TG: variants seen among roughly 807,000 people sequenced by gnomAD.
TG encodes the protein thyroglobulin.
In TG, 270 loss-of-function variants were observed where a neutral mutation model predicts 324.7. The observed-to-expected ratio is 0.83, with a 90% CI of 0.75 to 0.92. The LOEUF (loss-of-function observed/expected upper bound fraction) is 0.92. Among genes scored for constraint, TG ranks in the 40% least tolerant of loss-of-function variants. The pLI is 0.00. For missense variants in TG, 3,591 were observed against 3,456.4 expected (o/e 1.04, Z -0.98); for synonymous variants, 1,401 against 1,327.0 (o/e 1.06, Z -1.21).
At chr8:132,967,145 CCAT>C (rs1318363172) in intron 30 of TG, among the ~76,000 whole-genome samples, 53 of 148,412 alleles carry the variant, frequency 3.6e-4, no homozygotes, top group East Asian at 1.8e-3. Context: ...ATCCATCCAT[CCAT>C]CCATCCACCC....
intron 19 of TG, 47 bp from the exon 20 acceptor site, chr8:132,913,000 A>G (rs529380198): frequency 1.3e-6 from 2 of 1,582,276 alleles, no homozygotes; most frequent in Admixed American, 1.7e-5. Context: ...CCCTGGCCCT[A>G]GCAGAGTACA....
chr8:132,947,916 G>C (rs948214187), intron 26 of TG, among the ~76,000 whole-genome samples: 6 of 152,128 alleles, frequency 3.9e-5, no homozygotes, highest in Non-Finnish European at 8.8e-5. Context: ...TATCAAATTC[G>C]ATTACCTTGG....
At position 132,917,027 on chromosome 8, in the gene TG, C is replaced by CTCCT. The variant is rs1266796040; in HGVS notation, c.4379-2346_4379-2345insTTCC. Among the ~76,000 whole-genome samples, 2 of 60,514 alleles carry CTCCT rather than the reference C, an allele frequency of 3.3e-5. 1 individual carries two copies. 39.7% of individuals were successfully genotyped at this position (60,514 alleles called of 152,430 possible). A position where few individuals can be genotyped will look rare whatever the true frequency, so the allele number is the denominator to read the frequency against. On this transcript the variant is annotated intron_variant, in intron 20 of 47. Transcript: ENST00000220616. ...CCTCCCTCCCTTCCTCCCTCCATGC[C>CTCCT]TCCCTCCCTCCCTCCCTCCTTCCTT...
chr8:133,063,160 C>T (rs1842617078), intron 41 of TG, among the ~76,000 whole-genome samples: 1 of 151,212 alleles, frequency 6.6e-6, no homozygotes, highest in African/African-American at 2.5e-5. Flanking sequence ...CCCAACAATG[C>T]CTTCCTGTCC....
At chr8:133,102,331 C>T (rs1016275872) in intron 43 of TG, 13 of 492,470 alleles carry the variant, frequency 2.6e-5, no homozygotes, top group Non-Finnish European at 3.3e-5. Context: ...AGTGCAGCTT[C>T]CCAGGGAAGT....
chr8:132,978,745 A>G (rs865975793), intron 34 of TG, among the ~76,000 whole-genome samples: 1 of 152,154 alleles, frequency 6.6e-6, no homozygotes, highest in African/African-American at 2.4e-5. Context: ...GGTAGAGAGG[A>G]GGTAGCATGT....
intron 22 of TG, among the ~76,000 whole-genome samples, chr8:132,924,815 T>A (rs1587427817): frequency 6.6e-6 from 1 of 152,220 alleles, no homozygotes; most frequent in Non-Finnish European, 1.5e-5. Flanking sequence ...GCCTTAGCAA[T>A]GGCATTACCT....
chr8:132,881,092 C>T (rs1295598859), intron 5 of TG, among the ~76,000 whole-genome samples: 3 of 152,174 alleles, frequency 2.0e-5, no homozygotes, highest in African/African-American at 7.2e-5. Flanking sequence ...AAACAAATCT[C>T]TAAATGTTAT....
At chr8:132,975,828 T>G (rs1332327328) in intron 34 of TG, among the ~76,000 whole-genome samples, 1 of 152,192 alleles carries the variant, frequency 6.6e-6, no homozygotes, top group Non-Finnish European at 1.5e-5. Flanking sequence ...CACTATGTTG[T>G]GTGATTGAAG....
At chr8:133,086,403 A>G (rs968392874) in intron 41 of TG, among the ~76,000 whole-genome samples, 1 of 152,240 alleles carries the variant, frequency 6.6e-6, no homozygotes. Context: ...GATACCAAGA[A>G]TCATAGTTTG....
chr8:133,050,292 T>C (rs981632276), intron 41 of TG: 1 of 423,892 alleles, frequency 2.4e-6, no homozygotes, highest in African/African-American at 2.0e-5. Flanking sequence ...AATAAATGTT[T>C]ACTATGTTGA....
intron 4 of TG, among the ~76,000 whole-genome samples, chr8:132,872,351 A>G (rs937138437): frequency 1.3e-5 from 2 of 151,532 alleles, no homozygotes; most frequent in African/African-American, 2.4e-5. Flanking sequence ...GGTGGCGGGC[A>G]CCTGTAGTCC....
At chr8:133,075,614 T>A (rs1844751378) in intron 41 of TG, among the ~76,000 whole-genome samples, 1 of 152,194 alleles carries the variant, frequency 6.6e-6, no homozygotes. Context: ...ACCAAGAGGA[T>A]GTCTCGTATC....
intron 41 of TG, among the ~76,000 whole-genome samples, chr8:133,055,559 C>G (rs1437100073): frequency 6.6e-6 from 1 of 152,098 alleles, no homozygotes; most frequent in African/African-American, 2.4e-5. Flanking sequence ...GCCCACAAAG[C>G]TCTTTTCTGC....
chr8:133,049,069 G>A, intron 41 of TG: 1 of 438,464 alleles, frequency 2.3e-6, no homozygotes, highest in Middle Eastern at 3.3e-4. Context: ...GTAACTCCAG[G>A]AGGTGAAGCG....
Position 133,019,658 on chromosome 8 carries a change from A to G in TG, c.6839A>G (p.Asp2280Gly). 1 of 1,613,674 alleles carries G rather than the reference A, an allele frequency of 6.2e-7. No homozygotes were observed. Residue 2280 changes from aspartate to glycine, a missense_variant, in exon 39 of 48, where the codon GAT (aspartate) becomes GGT (glycine). By Grantham distance (94) the Asp-to-Gly change is moderately conservative (BLOSUM62 -1). Coordinates refer to ENST00000220616, the MANE Select transcript of TG (RefSeq NM_003235.5). ...RTSTSPGVSEDCLYLNVFIPQ... is the reference protein window; with the variant it reads ...RTSTSPGVSEGCLYLNVFIPQ... ...TCCACGTCTCCTGGAGTCAGTGAAG[A>G]TTGTTTGTATCTCAATGTGTTCATC...
intron 7 of TG, 84 bp downstream of exon 7, chr8:132,882,696 T>A (rs1001020892): frequency 1.2e-6 from 2 of 1,612,094 alleles, no homozygotes; most frequent in East Asian, 4.5e-5. Context: ...TGTGTGTGGC[T>A]GCTCCACCAA....
In TG at chr8:132,872,590, G is replaced by A. The variant is rs559842245; in HGVS notation, c.479-472G>A. Among the ~76,000 whole-genome samples the A allele has an allele frequency of 4.0e-5, 6 of 151,658 alleles. No individual in the cohort carries two copies. In the South Asian group the frequency reaches 1.3e-3, roughly 32 times the overall value. ...AGCCTCAGTGCATAGTGTTGATAAA[G>A]TCTACAACAGTGCACATGAATGTCC... On this transcript the variant is annotated intron_variant, in intron 4 of 47. Transcript: ENST00000220616.
At chr8:133,071,170 A>T (rs1476541319) in intron 41 of TG, among the ~76,000 whole-genome samples, 1 of 152,170 alleles carries the variant, frequency 6.6e-6, no homozygotes, top group African/African-American at 2.4e-5. Context: ...ACCAGTGCGT[A>T]TTGAGGAATT....
Sources: gnomAD v4.1 joint callset for allele counts (sites outside exome capture counted in the v4.1 genomes callset) on GRCh38, gnomAD v4.1.1 for gene constraint, MANE v1.5 for transcripts, NCBI Gene and HGNC (gene_info 2026-07-23, HGNC 2026-07-21) for gene names.